The following TSPAN9 variants were observed in gnomAD, a reference collection of about 807,000 sequenced individuals.
TSPAN9 encodes tetraspanin 9, also known as tetraspanin-9.
TSPAN9 carries 16 observed loss-of-function variants against 31.0 expected under a neutral mutation model. The observed-to-expected ratio is 0.52, with a 90% confidence interval of 0.35 to 0.78. TSPAN9 has a LOEUF of 0.78. Among genes scored for constraint, TSPAN9 ranks in the 30% least tolerant of loss-of-function variants. The pLI is 0.01. For synonymous variants in TSPAN9, 145 were observed against 121.6 expected (o/e 1.19, Z -1.27); for missense variants, 272 against 312.5 (o/e 0.87, Z 0.98).
At chr12:3,153,555 T>C (rs1315178735) in intron 2 of TSPAN9, among the ~76,000 whole-genome samples, 1 of 152,202 alleles carries the variant, frequency 6.6e-6, no homozygotes. Flanking sequence ...ATCATCATCA[T>C]CACACTTTCA....
chr12:3,199,475 T>C (rs1476175555), intron 2 of TSPAN9, among the ~76,000 whole-genome samples: 1 of 152,190 alleles, frequency 6.6e-6, no homozygotes, highest in Non-Finnish European at 1.5e-5. Flanking sequence ...TGCTTTACGG[T>C]AGGATGTTCC....
chr12:3,281,379 C>A, intron 7 of TSPAN9, 50 bp downstream of exon 7: 1 of 1,518,020 alleles, frequency 6.6e-7, no homozygotes, highest in Non-Finnish European at 8.8e-7. Flanking sequence ...GTGTGGATGC[C>A]CCGGCACGGG....
At chr12:3,277,240 T>G (rs1862805596) in intron 3 of TSPAN9, among the ~76,000 whole-genome samples, 1 of 152,216 alleles carries the variant, frequency 6.6e-6, no homozygotes, top group Non-Finnish European at 1.5e-5. Flanking sequence ...GGTCTGTGAC[T>G]CCCAAGCCCT....
intron 3 of TSPAN9, among the ~76,000 whole-genome samples, chr12:3,253,112 G>A (rs749253859): frequency 1.3e-5 from 2 of 152,098 alleles, no homozygotes; most frequent in Admixed American, 6.5e-5. Flanking sequence ...TGTGTCCTCG[G>A]GGGTGGTGAT....
At chr12:3,259,359 T>C (rs1277048793) in intron 3 of TSPAN9, among the ~76,000 whole-genome samples, 1 of 152,222 alleles carries the variant, frequency 6.6e-6, no homozygotes, top group South Asian at 2.1e-4. Context: ...ATATACTAAA[T>C]GGTACTTTAG....
chr12:3,246,217 G>C (rs631882), intron 3 of TSPAN9, among the ~76,000 whole-genome samples: 1 of 151,342 alleles, frequency 6.6e-6, no homozygotes, highest in Admixed American at 6.6e-5. Context: ...ACTTTCAAAC[G>C]ACCCAGTCTT....
chr12:3,213,114 T>C (rs1032187630), intron 3 of TSPAN9, among the ~76,000 whole-genome samples: 1 of 152,130 alleles, frequency 6.6e-6, no homozygotes, highest in Non-Finnish European at 1.5e-5. Context: ...GAAGACCCCT[T>C]TTAGCAATGG....
chr12:3,268,173 A>G (rs11615784), intron 3 of TSPAN9, among the ~76,000 whole-genome samples: 95,204 of 127,998 alleles, frequency 0.74, 34,859 homozygotes, highest in East Asian at 0.85. Context: ...CCTGCAGCCT[A>G]CCCTCCGTGC....
At chr12:3,101,456 C>G (rs1325839238) in intron 2 of TSPAN9, among the ~76,000 whole-genome samples, 1 of 152,080 alleles carries the variant, frequency 6.6e-6, no homozygotes, top group African/African-American at 2.4e-5. Context: ...TTAGATGCCA[C>G]TCTACACAAT....
At chr12:3,201,113 A>G (rs1565611683) in intron 2 of TSPAN9, 64 bp from the exon 3 acceptor site, 1 of 1,424,964 alleles carries the variant, frequency 7.0e-7, no homozygotes, top group Non-Finnish European at 9.9e-7. Context: ...CGACAAGTGC[A>G]ATGCACCCAA....
chr12:3,268,256 A>G (rs865793539), intron 3 of TSPAN9, among the ~76,000 whole-genome samples: 1,368 of 63,452 alleles, frequency 0.022, 127 homozygotes, highest in African/African-American at 0.1. Context: ...CCCTCTGTGC[A>G]TTCCTGCAGC....
intron 2 of TSPAN9, among the ~76,000 whole-genome samples, chr12:3,097,298 C>T (rs2098309613): frequency 6.6e-6 from 1 of 152,202 alleles, no homozygotes; most frequent in African/African-American, 2.4e-5. Flanking sequence ...TGGAGGAAAA[C>T]ATGCGCCCAA....
chr12:3,114,747 G>T (rs779714238), intron 2 of TSPAN9, among the ~76,000 whole-genome samples: 13 of 151,308 alleles, frequency 8.6e-5, no homozygotes, highest in Non-Finnish European at 1.2e-4. Flanking sequence ...TGAGGCTGAG[G>T]CAGGAGAATC....
intron 3 of TSPAN9, among the ~76,000 whole-genome samples, chr12:3,258,618 C>T (rs1249777972): frequency 6.6e-6 from 1 of 152,018 alleles, no homozygotes; most frequent in Non-Finnish European, 1.5e-5. Flanking sequence ...TTCCCTCCTC[C>T]TCCTCCCACC....
At chr12:3,146,356 T>G (rs531689648) in intron 2 of TSPAN9, among the ~76,000 whole-genome samples, 1 of 152,206 alleles carries the variant, frequency 6.6e-6, no homozygotes, top group South Asian at 2.1e-4. Context: ...GATGGTGGTC[T>G]CTGAAAAGAG....
intron 2 of TSPAN9, among the ~76,000 whole-genome samples, chr12:3,120,659 G>T (rs967276844): frequency 2.0e-5 from 3 of 152,206 alleles, no homozygotes; most frequent in Non-Finnish European, 4.4e-5. Context: ...GCTAGGGCAG[G>T]AAGTTGAGCT....
In TSPAN9 at chr12:3,285,667, G is replaced by C. The variant is rs899190316; in HGVS notation, c.*2551G>C. 2.0e-5 allele frequency: 3 copies of C among 152,256 alleles called. No homozygotes were observed. Among genetic ancestry groups the C allele is most frequent in the Admixed American group, 2.0e-4 (3 of 15,286 alleles). The allele number at this position is 152,256 out of a possible 1,614,324, so 9.4% of individuals were successfully genotyped here. A position where few individuals can be genotyped will look rare whatever the true frequency, so the allele number is the denominator to read the frequency against. ...CCTCTCTTCAGTTTCTCCTGACTGT[G>C]ATCTCACTGGGGTAGAATTCCCCTG... On this transcript the variant is annotated 3_prime_UTR_variant, in exon 9 of 9. Coordinates refer to ENST00000011898, the MANE Select transcript of TSPAN9 (RefSeq NM_006675.5).
rs113502124 is a variant in TSPAN9 at position 3,283,387 on chromosome 12, C to T, written c.*271C>T. ...AAAGACGACAGGGTGGGCTGGGGTGCGCTCCGGAGGAACCCCCGGCACTGA... is the reference window on the plus strand; with the variant it reads ...AAAGACGACAGGGTGGGCTGGGGTGTGCTCCGGAGGAACCCCCGGCACTGA... On this transcript the variant is annotated 3_prime_UTR_variant, in exon 9 of 9. Transcript: ENST00000011898. 6.9e-4 allele frequency: 285 copies of T among 412,784 alleles called. 1 individual carries two copies. Among genetic ancestry groups the T allele is most frequent in the African/African-American group, 5.5e-3 (262 of 47,782 alleles). 25.6% of individuals were successfully genotyped at this position (412,784 alleles called of 1,614,324 possible). A position where few individuals can be genotyped will look rare whatever the true frequency, so the allele number is the denominator to read the frequency against.
chr12:3,151,922 C>CA (rs140314897), intron 2 of TSPAN9, among the ~76,000 whole-genome samples: 8,671 of 150,868 alleles, frequency 0.057, 304 homozygotes, highest in African/African-American at 0.094. Flanking sequence ...GACTCCACCT[C>CA]AAAAAAAACA....
Sources: allele counts gnomAD v4.1 joint callset (sites outside exome capture counted in the v4.1 genomes callset), GRCh38; gene constraint gnomAD v4.1.1; transcripts MANE v1.5; gene names NCBI Gene and HGNC (gene_info 2026-07-23, HGNC 2026-07-21).